TRAF3: variants seen among roughly 807,000 people sequenced by gnomAD.
TRAF3 encodes TNF receptor-associated factor 3.
Under a neutral mutation model 62.3 loss-of-function variants are expected in TRAF3, and 13 were observed. The ratio of observed to expected loss-of-function variants is 0.21; its 90% CI spans 0.14 to 0.33. The LOEUF (loss-of-function observed/expected upper bound fraction) is 0.33, where lower values mean the gene tolerates loss of function less well. Among genes scored for constraint, TRAF3 ranks in the 10% least tolerant of loss-of-function variants. The pLI is 1.00. For missense variants in TRAF3, 440 were observed against 741.8 expected, an observed-to-expected ratio of 0.59 and a Z score of 4.73; for synonymous variants, 269 against 283.4, an observed-to-expected ratio of 0.95 and a Z score of 0.51.
chr14:102,789,645 A>G (rs776136596), intron 1 of TRAF3, among the ~76,000 whole-genome samples: 2 of 151,532 alleles, frequency 1.3e-5, no homozygotes, highest in African/African-American at 2.4e-5. Flanking sequence ...ATGTATGTAT[A>G]TATTTTTGTT....
intron 1 of TRAF3, among the ~76,000 whole-genome samples, chr14:102,828,338 C>T (rs1200700068): frequency 6.6e-6 from 1 of 152,184 alleles, no homozygotes; most frequent in Non-Finnish European, 1.5e-5. Flanking sequence ...GCCTTTTGCT[C>T]CCCTTCACAA....
In TRAF3 at chr14:102,875,731, G is replaced by A. The variant is rs1206783144; in HGVS notation, c.402+3G>A. 6.2e-7 allele frequency: 1 copy of A among 1,612,048 alleles called. No homozygotes were observed. Among genetic ancestry groups the A allele is most frequent in the African/African-American group, 1.3e-5 (1 of 74,810 alleles). On this transcript the variant is annotated splice_donor_region_variant and intron_variant, in intron 5 of 11. Coordinates refer to ENST00000392745, the MANE Select transcript of TRAF3 (RefSeq NM_145725.3). The stretch of plus-strand genomic sequence containing the variant: ...AGTTAATGCTGGGACATCTGCTGGT[G>A]AGTAGCAAAGGGACACTGGAACCTT...
chr14:102,854,239 G>C (rs1887227705), intron 2 of TRAF3, among the ~76,000 whole-genome samples: 1 of 151,934 alleles, frequency 6.6e-6, no homozygotes, highest in Non-Finnish European at 1.5e-5. Context: ...GAATAGTGCT[G>C]CTGTGAACGT....
intron 1 of TRAF3, among the ~76,000 whole-genome samples, chr14:102,816,039 G>A (rs374383235): frequency 6.6e-6 from 1 of 151,930 alleles, no homozygotes; most frequent in African/African-American, 2.4e-5. Flanking sequence ...TATCAAAAAT[G>A]TATTTTCCAT....
At chr14:102,789,883 A>G (rs1403895023) in intron 1 of TRAF3, among the ~76,000 whole-genome samples, 1 of 151,370 alleles carries the variant, frequency 6.6e-6, no homozygotes, top group African/African-American at 2.4e-5. Flanking sequence ...GCAGTGGTGC[A>G]GTGGCATGAT....
At chr14:102,822,631 T>A (rs908279930) in intron 1 of TRAF3, among the ~76,000 whole-genome samples, 1 of 152,178 alleles carries the variant, frequency 6.6e-6, no homozygotes, top group African/African-American at 2.4e-5. Context: ...CAATAAATTT[T>A]CCCATTATGT....
chr14:102,856,803 C>A (rs1297689329), intron 2 of TRAF3, among the ~76,000 whole-genome samples: 1 of 152,138 alleles, frequency 6.6e-6, no homozygotes, highest in Non-Finnish European at 1.5e-5. Flanking sequence ...CTTCTTCAGG[C>A]TGAATGGGGC....
chr14:102,883,786 A>G (rs982225596), intron 6 of TRAF3, among the ~76,000 whole-genome samples: 2 of 152,212 alleles, frequency 1.3e-5, no homozygotes, highest in Admixed American at 6.5e-5. Context: ...GGGTTTCACC[A>G]TGTTGGCCAG....
chr14:102,835,825 A>G (rs1370371719), intron 2 of TRAF3, among the ~76,000 whole-genome samples: 1 of 152,222 alleles, frequency 6.6e-6, no homozygotes, highest in Non-Finnish European at 1.5e-5. Flanking sequence ...TACCTGGGTT[A>G]CAAAGTAATC....
chr14:102,841,966 C>T (rs965176535), intron 2 of TRAF3, among the ~76,000 whole-genome samples: 3 of 152,014 alleles, frequency 2.0e-5, no homozygotes, highest in Non-Finnish European at 4.4e-5. Context: ...TATAAAATGC[C>T]GGGCGCAGTG....
chr14:102,823,888 T>G (rs868368218), intron 1 of TRAF3, among the ~76,000 whole-genome samples: 1 of 104,394 alleles, frequency 9.6e-6, no homozygotes, highest in East Asian at 2.9e-4. Flanking sequence ...GTGCAGTCTC[T>G]GTCACTAAGC....
chr14:102,779,988 G>A (rs894617956), intron 1 of TRAF3, among the ~76,000 whole-genome samples: 1 of 152,224 alleles, frequency 6.6e-6, no homozygotes, highest in African/African-American at 2.4e-5. Flanking sequence ...CTGCTGCTTT[G>A]CGAGTGTTCA....
At chr14:102,791,020 C>CTTT (rs559815933) in intron 1 of TRAF3, among the ~76,000 whole-genome samples, 2 of 129,890 alleles carry the variant, frequency 1.5e-5, no homozygotes, top group Non-Finnish European at 3.4e-5. Flanking sequence ...CTTTTCTTTT[C>CTTT]TTTTTTTTTT....
chr14:102,853,359 G>T (rs975991542), intron 2 of TRAF3, among the ~76,000 whole-genome samples: 2 of 152,034 alleles, frequency 1.3e-5, no homozygotes, highest in African/African-American at 4.8e-5. Context: ...TTTTATGTTC[G>T]TGGTGGTGGT....
In TRAF3 at chr14:102,787,680, C is replaced by T. The variant is rs188277623; in HGVS notation, c.-157+10005C>T. Reference sequence around the variant, plus strand: ...GCAGCCTGGGTGACAGTGAGACTGTCTCAAACAACAACAAAAACAACAACA... The same window carrying T: ...GCAGCCTGGGTGACAGTGAGACTGTTTCAAACAACAACAAAAACAACAACA... On this transcript the variant is annotated intron_variant, in intron 1 of 11. Transcript: ENST00000392745. Among the ~76,000 whole-genome samples the T allele has an allele frequency of 5.3e-3, 813 of 152,156 alleles. 6 individuals are homozygous for T. Among genetic ancestry groups the T allele is most frequent in the Admixed American group, 9.9e-3 (151 of 15,276 alleles).
chr14:102,819,105 ACT>A (rs976306403), intron 1 of TRAF3, among the ~76,000 whole-genome samples: 2 of 150,510 alleles, frequency 1.3e-5, no homozygotes, highest in Non-Finnish European at 3.0e-5. Context: ...AAAAATCCCA[ACT>A]CTTCCATCAC....
intron 1 of TRAF3, among the ~76,000 whole-genome samples, chr14:102,821,855 A>G (rs1351357743): frequency 6.6e-6 from 1 of 152,202 alleles, no homozygotes; most frequent in East Asian, 1.9e-4. Context: ...CAGCCTGGCC[A>G]ATATGGTGAA....
At chr14:102,828,615 C>A (rs1566760344) in intron 1 of TRAF3, among the ~76,000 whole-genome samples, 1 of 152,178 alleles carries the variant, frequency 6.6e-6, no homozygotes, top group Non-Finnish European at 1.5e-5. Context: ...CTTTACAGAT[C>A]ATGCATATAT....
intron 2 of TRAF3, among the ~76,000 whole-genome samples, chr14:102,832,912 T>C (rs879375647): frequency 1.3e-5 from 2 of 152,198 alleles, no homozygotes; most frequent in Non-Finnish European, 2.9e-5. Context: ...CTTACTGCAT[T>C]TACCTATGTT....
Sources: allele counts gnomAD v4.1 joint callset (sites outside exome capture counted in the v4.1 genomes callset), GRCh38; gene constraint gnomAD v4.1.1; transcripts MANE v1.5; gene names NCBI Gene and HGNC (gene_info 2026-07-23, HGNC 2026-07-21).